Variants in FREM1 observed in about 807,000 individuals in gnomAD.
FREM1 encodes the protein FRAS1 related extracellular matrix 1, also known as FRAS1-related extracellular matrix protein 1.
Under a neutral mutation model 210.1 loss-of-function variants are expected in FREM1, and 220 were observed. The observed-to-expected ratio is 1.05, with a 90% confidence interval of 0.94 to 1.17. The LOEUF is 1.17. Among genes scored for constraint, FREM1 ranks in the 50% most tolerant of loss-of-function variants. The pLI, the probability that FREM1 is intolerant of heterozygous loss-of-function variation, is 0.00. For missense variants in FREM1, 3,454 were observed against 2,675.5 expected (o/e 1.29, Z -6.42); for synonymous variants, 1,189 against 980.2 (o/e 1.21, Z -3.98).
At chr9:14,834,504 T>A (rs10124389) in intron 10 of FREM1, among the ~76,000 whole-genome samples, 1 of 152,074 alleles carries the variant, frequency 6.6e-6, no homozygotes, top group East Asian at 1.9e-4. Flanking sequence ...ACAAATAAAC[T>A]AATGCAAGGG....
At chr9:14,873,073 G>A (rs1672800204) in intron 1 of FREM1, among the ~76,000 whole-genome samples, 1 of 152,170 alleles carries the variant, frequency 6.6e-6, no homozygotes, top group Non-Finnish European at 1.5e-5. Flanking sequence ...CGGTTTGCCA[G>A]TATCTTATTG....
At chr9:14,886,703 C>A (rs2132280963) in intron 1 of FREM1, among the ~76,000 whole-genome samples, 1 of 151,936 alleles carries the variant, frequency 6.6e-6, no homozygotes, top group Non-Finnish European at 1.5e-5. Flanking sequence ...CAAGACCAGC[C>A]TGGGCAATAT....
At chr9:14,892,070 TCTTTCTGAGTACCTAAGAA>T (rs777517301) in intron 1 of FREM1, among the ~76,000 whole-genome samples, 22 of 152,296 alleles carry the variant, frequency 1.4e-4, no homozygotes, top group Middle Eastern at 3.4e-3. Context: ...AAGGTATCCC[TCTTTCTGAGTACCTAAGAA>T]CTTTCTGAGT....
intron 10 of FREM1, 75 bp downstream of exon 10, chr9:14,841,372 G>T: frequency 3.3e-6 from 4 of 1,223,432 alleles, no homozygotes; most frequent in South Asian, 2.1e-5. Context: ...ATTTTCATGT[G>T]GTTTCTAACC....
intron 8 of FREM1, among the ~76,000 whole-genome samples, chr9:14,843,396 C>T (rs1826023844): frequency 6.6e-6 from 1 of 152,218 alleles, no homozygotes; most frequent in Non-Finnish European, 1.5e-5. Flanking sequence ...ATACCCATGA[C>T]TTCCTGGGCT....
At chr9:14,761,353 T>C (rs1005707779) in intron 27 of FREM1, among the ~76,000 whole-genome samples, 1 of 152,206 alleles carries the variant, frequency 6.6e-6, no homozygotes, top group African/African-American at 2.4e-5. Context: ...CTCATGAATC[T>C]ATATAAACAT....
intron 28 of FREM1, among the ~76,000 whole-genome samples, chr9:14,759,157 A>G (rs1844977684): frequency 6.6e-6 from 1 of 152,202 alleles, no homozygotes; most frequent in African/African-American, 2.4e-5. Flanking sequence ...TAAAACCTCA[A>G]AGTCTAAAGA....
At chr9:14,879,846 C>T (rs917294332) in intron 1 of FREM1, among the ~76,000 whole-genome samples, 1 of 152,084 alleles carries the variant, frequency 6.6e-6, no homozygotes, top group African/African-American at 2.4e-5. Flanking sequence ...AAAATATGGA[C>T]AGACAAGCAT....
At chr9:14,760,856 C>CT (rs936726019) in intron 27 of FREM1, among the ~76,000 whole-genome samples, 8 of 151,594 alleles carry the variant, frequency 5.3e-5, no homozygotes, top group South Asian at 4.2e-4. Context: ...GAGGTCTTGC[C>CT]TTTTTTTTGC....
At chr9:14,751,708 T>G (rs2132084550) in intron 29 of FREM1, 1 of 152,204 alleles carries the variant, frequency 6.6e-6, no homozygotes, top group East Asian at 1.9e-4. Context: ...TTCTACAGAC[T>G]TATACCTCTC....
At chr9:14,788,098 G>A (rs970594700) in intron 23 of FREM1, among the ~76,000 whole-genome samples, 4 of 151,482 alleles carry the variant, frequency 2.6e-5, no homozygotes, top group Non-Finnish European at 5.9e-5. Flanking sequence ...GGCAGCCAAG[G>A]CAAAAAAAGG....
intron 5 of FREM1, among the ~76,000 whole-genome samples, chr9:14,854,508 A>T (rs773013227): frequency 2.6e-5 from 4 of 152,148 alleles, no homozygotes; most frequent in Non-Finnish European, 5.9e-5. Flanking sequence ...TGGGCAGTTG[A>T]TAAAAGTAAA....
chr9:14,744,244 A>G lies in FREM1; in HGVS notation c.6254+2109T>C, dbSNP rs546745000. ...TTAAAACATTTTATTCGCTTTAAAA[A>G]AAATCTGGGTATAATTTACATATAA... On this transcript the variant is annotated intron_variant, in intron 35 of 36. Transcript: ENST00000380880. Among the ~76,000 whole-genome samples, 19 of 152,196 alleles carry G rather than the reference A, an allele frequency of 1.2e-4. No individual in the cohort carries two copies. In the South Asian group the frequency reaches 1.9e-3, roughly 15 times the overall value.
At chr9:14,740,607 G>C (rs1841396292) in intron 35 of FREM1, among the ~76,000 whole-genome samples, 1 of 152,044 alleles carries the variant, frequency 6.6e-6, no homozygotes, top group Non-Finnish European at 1.5e-5. Context: ...GTATAAATTT[G>C]GCAAATACCA....
chr9:14,772,997 T>C (rs1264168255), intron 25 of FREM1, among the ~76,000 whole-genome samples: 2 of 152,218 alleles, frequency 1.3e-5, no homozygotes, highest in Non-Finnish European at 2.9e-5. Context: ...ATGTCTCTGG[T>C]CACATTAAAA....
chr9:14,740,031 G>A, intron 36 of FREM1, 118 bp downstream of exon 36: 1 of 546,474 alleles, frequency 1.8e-6, no homozygotes, highest in African/African-American at 1.9e-5. Context: ...TCTATTGGTT[G>A]CCTATTATTG....
intron 25 of FREM1, chr9:14,774,137 G>T (rs1443720716): frequency 1.9e-6 from 1 of 518,896 alleles, no homozygotes; most frequent in Non-Finnish European, 3.8e-6. Flanking sequence ...TGGACCTCCT[G>T]ACTGCCAAGG....
chr9:14,866,113 A>T (rs1290137814), intron 2 of FREM1, among the ~76,000 whole-genome samples: 1 of 152,208 alleles, frequency 6.6e-6, no homozygotes, highest in African/African-American at 2.4e-5. Context: ...CTTAATGAGC[A>T]ATAGCAGGCT....
chr9:14,792,794 C>T lies in FREM1; in HGVS notation c.3930G>A (p.Lys1310=), dbSNP rs570210829. Residue 1310 remains lysine, a synonymous_variant, in exon 22 of 37, where the codon AAG becomes AAA. Transcript: ENST00000380880. ...SAIDEDSPRE[K]IYYVFERLPQ... ...GAAGCCTTTCAAATACATAGTAAAT[C>T]TTCTCCCTGGGTGAGTCTTCATCTA... The T allele has an allele frequency of 5.0e-6, 8 of 1,606,456 alleles. No homozygotes were observed. The highest frequency in any genetic ancestry group is 2.7e-5 in the African/African-American group (2 of 74,932).
Sources: gnomAD v4.1 joint callset for allele counts (sites outside exome capture counted in the v4.1 genomes callset) on GRCh38, gnomAD v4.1.1 for gene constraint, MANE v1.5 for transcripts, NCBI Gene and HGNC (gene_info 2026-07-23, HGNC 2026-07-21) for gene names.